Variants in PPP2R5C observed in about 807,000 individuals in gnomAD.
PPP2R5C encodes serine/threonine-protein phosphatase 2A 56 kDa regulatory subunit gamma isoform.
PPP2R5C carries 7 observed loss-of-function variants against 68.9 expected under a neutral mutation model. The observed-to-expected ratio is 0.10, with a 90% confidence interval of 0.06 to 0.19. The LOEUF is 0.19. PPP2R5C is among the 10% of genes least tolerant of loss of function. PPP2R5C has a pLI of 1.00. For synonymous variants in PPP2R5C, 210 were observed against 222.2 expected (o/e 0.95, Z 0.49); for missense variants, 348 against 641.3 (o/e 0.54, Z 4.94).
intron 9 of PPP2R5C, among the ~76,000 whole-genome samples, chr14:101,904,534 T>C (rs1244981950): frequency 6.6e-6 from 1 of 152,214 alleles, no homozygotes; most frequent in Non-Finnish European, 1.5e-5. Context: ...TGCCTTGTTT[T>C]GAATCCACGC....
chr14:101,816,282 C>T (rs1050997536), intron 1 of PPP2R5C, among the ~76,000 whole-genome samples: 30 of 152,148 alleles, frequency 2.0e-4, no homozygotes, highest in Admixed American at 3.3e-4. Context: ...GAAATAGGAC[C>T]GCCAAGTGGT....
chr14:101,780,042 C>T lies in PPP2R5C; in HGVS notation c.94-5976C>T, dbSNP rs569991737. 1.4e-4 allele frequency among the ~76,000 whole-genome samples: 22 copies of T among 152,334 alleles called. No homozygotes were observed. In the South Asian group the frequency reaches 3.7e-3, roughly 26 times the overall value. On this transcript the variant is annotated intron_variant, in intron 2 of 14. Coordinates refer to the PPP2R5C transcript ENST00000328724. ...CCATCTTGTCTTATCCAGGCCTCCT[C>T]CTCCATATGCATGGCCCTCTCTTCA...
intron 3 of PPP2R5C, among the ~76,000 whole-genome samples, chr14:101,787,579 T>G (rs184118606): frequency 7.0e-6 from 1 of 143,630 alleles, no homozygotes; most frequent in Non-Finnish European, 1.5e-5. Flanking sequence ...CTGGCTAACA[T>G]GGTGAAACCC....
At chr14:101,843,041 C>T (rs1049247137) in intron 1 of PPP2R5C, among the ~76,000 whole-genome samples, 6 of 152,048 alleles carry the variant, frequency 3.9e-5, no homozygotes, top group African/African-American at 1.4e-4. Flanking sequence ...ACCTGGGCAA[C>T]ACAGCAAGAC....
At chr14:101,794,016 G>A (rs892106179) in intron 3 of PPP2R5C, among the ~76,000 whole-genome samples, 5 of 152,166 alleles carry the variant, frequency 3.3e-5, no homozygotes, top group African/African-American at 9.7e-5. Flanking sequence ...CTGAGCCTGG[G>A]GTTTTTATGG....
chr14:101,867,465 A>T (rs2043147493), intron 2 of PPP2R5C, among the ~76,000 whole-genome samples: 1 of 151,950 alleles, frequency 6.6e-6, no homozygotes, highest in African/African-American at 2.4e-5. Context: ...ACCAGTAAAG[A>T]TATTTTTCTT....
In PPP2R5C at chr14:101,828,533, C is replaced by A. The variant is rs1031195240; in HGVS notation, c.94+18497C>A. Among the ~76,000 whole-genome samples the A allele has an allele frequency of 2.6e-5, 4 of 152,148 alleles. No homozygotes were observed. In the East Asian group the frequency reaches 5.8e-4, roughly 22 times the overall value. On this transcript the variant is annotated intron_variant, in intron 1 of 13. Transcript: ENST00000334743. ...TACTCTGTATGCTTGTACACACACA[C>A]AAATACATATACACAAAGAACATAC...
At chr14:101,911,440 G>GAC (rs2046384916) in intron 11 of PPP2R5C, among the ~76,000 whole-genome samples, 1 of 152,200 alleles carries the variant, frequency 6.6e-6, no homozygotes, top group Non-Finnish European at 1.5e-5. Context: ...CAGCTGCATG[G>GAC]TCTGTTCTCA....
chr14:101,841,775 G>A (rs1394753960), intron 1 of PPP2R5C, among the ~76,000 whole-genome samples: 1 of 152,232 alleles, frequency 6.6e-6, no homozygotes, highest in Non-Finnish European at 1.5e-5. Flanking sequence ...GCCAACTGGG[G>A]CAGTGGGGCC....
At chr14:101,814,562 C>T (rs1053894234) in intron 1 of PPP2R5C, among the ~76,000 whole-genome samples, 4 of 152,236 alleles carry the variant, frequency 2.6e-5, no homozygotes, top group African/African-American at 9.6e-5. Context: ...AAAACAAAAG[C>T]TTACCATCCA....
chr14:101,824,390 T>A (rs950313599), intron 1 of PPP2R5C: 1 of 275,498 alleles, frequency 3.6e-6, no homozygotes, highest in African/African-American at 2.2e-5. Context: ...ATGTGTACAA[T>A]TGAAGTGATG....
intron 1 of PPP2R5C, among the ~76,000 whole-genome samples, chr14:101,830,028 C>T (rs1399832823): frequency 2.0e-5 from 3 of 152,056 alleles, no homozygotes; most frequent in East Asian, 1.9e-4. Flanking sequence ...CTAGTAAGAG[C>T]CAGAAACGAG....
At chr14:101,791,261 C>T (rs1595173001) in intron 3 of PPP2R5C, among the ~76,000 whole-genome samples, 1 of 152,094 alleles carries the variant, frequency 6.6e-6, no homozygotes, top group Admixed American at 6.5e-5. Flanking sequence ...TGGTGTCTCA[C>T]TGTGGTTTCC....
At chr14:101,893,994 GC>G (rs1047069615) in intron 7 of PPP2R5C, among the ~76,000 whole-genome samples, 2 of 152,214 alleles carry the variant, frequency 1.3e-5, no homozygotes, top group African/African-American at 4.8e-5. Context: ...TCTCTGCCAG[GC>G]CCCACTTTCA....
rs190969765 is a variant in PPP2R5C, at chr14:101,915,959, C to T, written c.1327-1872C>T. 3.3e-5 allele frequency among the ~76,000 whole-genome samples: 5 copies of T among 152,154 alleles called. No individual in the cohort carries two copies. In the East Asian group the frequency reaches 7.7e-4, roughly 24 times the overall value. ...CCAGTCAGACTTGAGGGAAGGTGCC[C>T]GCGGCAGAGGTAGAGAAAAGCAGGG... On this transcript the variant is annotated intron_variant, in intron 12 of 13. Transcript: ENST00000334743. The surrounding 1 kb of genome is among the most constrained non-coding windows in gnomAD (Gnocchi z 4.2).
chr14:101,774,914 T>C (rs1309021318), intron 2 of PPP2R5C, among the ~76,000 whole-genome samples: 1 of 152,246 alleles, frequency 6.6e-6, no homozygotes, highest in Non-Finnish European at 1.5e-5. Context: ...TTAACTCTGC[T>C]GTTGCAGCAA....
intron 2 of PPP2R5C, among the ~76,000 whole-genome samples, chr14:101,785,811 A>C (rs948145020): frequency 7.9e-5 from 12 of 152,242 alleles, no homozygotes; most frequent in African/African-American, 2.7e-4. Context: ...GATACGAGAA[A>C]TTAGGCATCT....
chr14:101,763,074 A>C, intron 2 of PPP2R5C, 104 bp downstream of exon 2: 1 of 1,010,984 alleles, frequency 9.9e-7, no homozygotes, highest in Non-Finnish European at 1.4e-6. Flanking sequence ...ATGTTTCCCT[A>C]TGTGAGGTTT....
At position 101,825,890 on chromosome 14, in the gene PPP2R5C, G is replaced by A. The variant is rs1008463862; in HGVS notation, c.94+15854G>A. Among the ~76,000 whole-genome samples, 4 of 152,106 alleles carry A rather than the reference G, an allele frequency of 2.6e-5. No homozygotes were observed. The highest frequency in any genetic ancestry group is 5.9e-5 in the Non-Finnish European group (4 of 68,022). On this transcript the variant is annotated intron_variant, in intron 1 of 13. Transcript: ENST00000334743. This position sits in a 1 kb window ranked among gnomAD's most constrained non-coding sequence, Gnocchi z 4.0. The stretch of plus-strand genomic sequence containing the variant: ...TGGTTTTTCTGGTGGTCCAAGAGAG[G>A]AGGCCTCTAGAGAATTGAGGGGGAA...
Sources: allele counts gnomAD v4.1 joint callset (sites outside exome capture counted in the v4.1 genomes callset), GRCh38; gene constraint gnomAD v4.1.1; non-coding constraint Gnocchi (gnomAD v3.1); transcripts MANE v1.5; gene names NCBI Gene and HGNC (gene_info 2026-07-23, HGNC 2026-07-21).